The following MLYCD variants were observed in gnomAD, a reference collection of about 807,000 sequenced individuals.
The protein encoded by MLYCD is malonyl-CoA decarboxylase, mitochondrial.
MLYCD carries 27 observed loss-of-function variants against 35.8 expected under a neutral mutation model. That is an observed-to-expected ratio of 0.75 (90% CI 0.56 to 1.04). The LOEUF (loss-of-function observed/expected upper bound fraction) is 1.04. Ranked by LOEUF, MLYCD falls within the 50% of genes least tolerant of loss-of-function variation. The pLI is 0.00. For synonymous variants in MLYCD, 403 were observed against 302.4 expected (o/e 1.33, Z -3.45); for missense variants, 917 against 665.1 (o/e 1.38, Z -4.17).
At chr16:83,913,966 G>A (rs1220988744) in intron 4 of MLYCD, 1 of 152,106 alleles carries the variant, frequency 6.6e-6, no homozygotes, top group Non-Finnish European at 1.5e-5. Flanking sequence ...AAATGATAAT[G>A]AGAAAATGCT....
Position 83,915,647 on chromosome 16 carries a change from T to G in MLYCD, c.*158T>G. The G allele has an allele frequency of 6.6e-7, 1 of 1,511,244 alleles. No individual in the cohort carries two copies. Among genetic ancestry groups the G allele is most frequent in the South Asian group, 1.2e-5 (1 of 80,568 alleles). The allele number at this position is 1,511,244 out of a possible 1,614,324, so 93.6% of individuals were successfully genotyped here. ...CCACACTGTGAGGCCAGGCCTCAAC[T>G]TCCCTCACCCTGGGCGTGACATGCA... On this transcript the variant is annotated 3_prime_UTR_variant, in exon 5 of 5. Transcript: ENST00000262430.
chr16:83,904,169 C>A (rs1294674009), intron 1 of MLYCD, among the ~76,000 whole-genome samples: 1 of 151,874 alleles, frequency 6.6e-6, no homozygotes, highest in Non-Finnish European at 1.5e-5. Flanking sequence ...GATAGTAAAA[C>A]TAGGTATTTC....
chr16:83,915,980 C>G lies in MLYCD; in HGVS notation c.*491C>G, dbSNP rs957093811. On this transcript the variant is annotated 3_prime_UTR_variant, in exon 5 of 5. Transcript: ENST00000262430. ...TGCAGAGGGACAAAGGGCTGTGCTA[C>G]ACTTCCCAGTTACATTCTGAAGCTC... The G allele has an allele frequency of 4.5e-5, 46 of 1,022,974 alleles. No homozygotes were observed. The South Asian group carries it at 1.7e-3, about 38-fold the overall frequency. 63.4% of individuals were successfully genotyped at this position (1,022,974 alleles called of 1,614,324 possible).
In MLYCD at chr16:83,918,262, A is replaced by C. The variant is rs1390132467; in HGVS notation, c.*2773A>C. ...GCCAGGTAGGCCTCGCCGCAGGAGA[A>C]CACATACATGGTGCACAGAACACAC... On this transcript the variant is annotated 3_prime_UTR_variant, in exon 5 of 5. Transcript: ENST00000262430. 1 of 152,286 alleles carries C rather than the reference A, an allele frequency of 6.6e-6. No homozygotes were observed. The highest frequency in any genetic ancestry group is 1.5e-5 in the Non-Finnish European group (1 of 68,060). 9.4% of individuals were successfully genotyped at this position (152,286 alleles called of 1,614,324 possible).
Position 83,916,250 on chromosome 16 carries a change from G to A in MLYCD, c.*761G>A. 18 of 975,590 alleles carry A rather than the reference G, an allele frequency of 1.8e-5. No homozygotes were observed. The highest frequency in any genetic ancestry group is 2.2e-5 in the Non-Finnish European group (18 of 819,174). 60.4% of individuals were successfully genotyped at this position (975,590 alleles called of 1,614,324 possible). On this transcript the variant is annotated 3_prime_UTR_variant, in exon 5 of 5. Coordinates refer to ENST00000262430, the MANE Select transcript of MLYCD (RefSeq NM_012213.3). Reference sequence around the variant, plus strand: ...TGGGAAGGCTGGAATCAGCCAGCCAGCCTACGGGGAGTTTGGGATGAAGGA... The same window carrying A: ...TGGGAAGGCTGGAATCAGCCAGCCAACCTACGGGGAGTTTGGGATGAAGGA...
At chr16:83,910,344 G>T (rs1255762540) in intron 3 of MLYCD, among the ~76,000 whole-genome samples, 1 of 151,762 alleles carries the variant, frequency 6.6e-6, no homozygotes, top group Non-Finnish European at 1.5e-5. Flanking sequence ...AAAAAAGATT[G>T]CTGGGATTTT....
chr16:83,902,591 C>T (rs1370129070), intron 1 of MLYCD, among the ~76,000 whole-genome samples: 1 of 146,184 alleles, frequency 6.8e-6, no homozygotes, highest in Admixed American at 7.2e-5. Flanking sequence ...TTGCAACCTT[C>T]GCCTCCCAGG....
intron 1 of MLYCD, among the ~76,000 whole-genome samples, chr16:83,905,957 AGTCAATT>A (rs1906959326): frequency 6.6e-6 from 1 of 152,240 alleles, no homozygotes; most frequent in Non-Finnish European, 1.5e-5. Context: ...TGGGTGGTCA[AGTCAATT>A]CACATCATTT....
intron 3 of MLYCD, 199 bp from the exon 4 acceptor site, chr16:83,912,019 C>T (rs770246271): frequency 1.3e-5 from 9 of 685,870 alleles, no homozygotes; most frequent in Admixed American, 7.3e-5. Context: ...CCCAGGCACG[C>T]GGTGGAGTCG....
rs370884655 is a variant in MLYCD, at chr16:83,925,959, C to T, written c.*10470C>T. Reference sequence around the variant, plus strand: ...GTGTATCTCCACTAGACTAGACGCTCTCTGAGGGCAGGGACCCTGCTTCGC... The same window carrying T: ...GTGTATCTCCACTAGACTAGACGCTTTCTGAGGGCAGGGACCCTGCTTCGC... On this transcript the variant is annotated 3_prime_UTR_variant, in exon 5 of 5. Transcript: ENST00000262430. 1 of 152,306 alleles carries T rather than the reference C, an allele frequency of 6.6e-6. No homozygotes were observed. The highest frequency in any genetic ancestry group is 1.9e-4 in the East Asian group (1 of 5,200). 9.4% of individuals were successfully genotyped at this position (152,306 alleles called of 1,614,324 possible).
rs1311154959 is a variant in MLYCD at position 83,918,538 on chromosome 16, TG to T, written c.*3051del. 1 of 108,994 alleles carries T rather than the reference TG, an allele frequency of 9.2e-6. No homozygotes were observed. The highest frequency in any genetic ancestry group is 3.7e-5 in the African/African-American group (1 of 26,914). The allele number at this position is 108,994 out of a possible 1,614,324, so 6.8% of individuals were successfully genotyped here. ...AACACAGAGTGCACAGGAGAACACA[TG>T]GTGCACAGGAGAACACGCACACACG... On this transcript the variant is annotated 3_prime_UTR_variant, in exon 5 of 5. Coordinates refer to ENST00000262430, the MANE Select transcript of MLYCD (RefSeq NM_012213.3).
intron 3 of MLYCD, 50 bp downstream of exon 3, chr16:83,908,332 T>C: frequency 1.9e-6 from 3 of 1,586,554 alleles, no homozygotes; most frequent in Non-Finnish European, 2.6e-6. Context: ...ATAGAGCCCC[T>C]TGTGTTTTTT....
rs766512025 is a variant in MLYCD at position 83,908,188 on chromosome 16, G to A, written c.704G>A (p.Arg235Lys). Reference protein sequence around the residue: ...MDMKRRVGPYRRCYFFSHCST... With the variant: ...MDMKRRVGPYKRCYFFSHCST... Reference sequence around the variant, plus strand: ...ATGAAGCGCCGCGTTGGGCCCTACAGAAGGTGTTACTTCTTTTCTCACTGT... The same window carrying A: ...ATGAAGCGCCGCGTTGGGCCCTACAAAAGGTGTTACTTCTTTTCTCACTGT... The change falls in exon 3 of 5, where the codon AGA becomes AAA. Residue 235 changes from arginine (R) to lysine (K), a missense_variant. Transcript: ENST00000262430. 8 of 1,614,250 alleles carry A rather than the reference G, an allele frequency of 5.0e-6. No individual in the cohort carries two copies. Among genetic ancestry groups the A allele is most frequent in the Non-Finnish European group, 8.5e-7 (1 of 1,180,054 alleles).
At position 83,917,417 on chromosome 16, in the gene MLYCD, G is replaced by C. The variant is rs1218834077; in HGVS notation, c.*1928G>C. 3 of 154,678 alleles carry C rather than the reference G, an allele frequency of 1.9e-5. No homozygotes were observed. The highest frequency in any genetic ancestry group is 4.4e-5 in the Non-Finnish European group (3 of 68,314). 9.6% of individuals were successfully genotyped at this position (154,678 alleles called of 1,614,324 possible). A position where few individuals can be genotyped will look rare whatever the true frequency, so the allele number is the denominator to read the frequency against. On this transcript the variant is annotated 3_prime_UTR_variant, in exon 5 of 5. Coordinates refer to ENST00000262430, the MANE Select transcript of MLYCD (RefSeq NM_012213.3). Reference sequence around the variant, plus strand: ...TGTGCTTACACGTCTTTGTGTGTCTGTGTGCGTGTGTCCGCAGTTGCCCTG... The same window carrying C: ...TGTGCTTACACGTCTTTGTGTGTCTCTGTGCGTGTGTCCGCAGTTGCCCTG...
intron 4 of MLYCD, 72 bp from the exon 5 acceptor site, chr16:83,914,884 C>A (rs945205675): frequency 6.2e-7 from 1 of 1,602,522 alleles, no homozygotes; most frequent in Non-Finnish European, 8.5e-7. Context: ...AAGAGGTGCT[C>A]CTCTGTTGGT....
rs113503697 is a variant in MLYCD, at chr16:83,909,679, T to A, written c.798+1397T>A. Among the ~76,000 whole-genome samples the A allele has an allele frequency of 3.0e-3, 446 of 149,814 alleles. 1 individual carries two copies. Among genetic ancestry groups the A allele is most frequent in the African/African-American group, 0.01 (423 of 40,738 alleles). On this transcript the variant is annotated intron_variant, in intron 3 of 4. Coordinates refer to ENST00000262430, the MANE Select transcript of MLYCD (RefSeq NM_012213.3). ...TCTTCTTGCGCAGGCTAGAGTGCAA[T>A]GGTGCTGTCTCGGCTCACTGCAACC...
intron 4 of MLYCD, chr16:83,912,582 C>T: frequency 1.6e-6 from 1 of 616,086 alleles, no homozygotes; most frequent in Non-Finnish European, 2.9e-6. Context: ...GGCCTCCAAC[C>T]CAGCTGCCCA....
rs1174242492 is a variant in MLYCD at position 83,919,997 on chromosome 16, CAACAG to C, written c.*4513_*4517del. On this transcript the variant is annotated 3_prime_UTR_variant, in exon 5 of 5. Transcript: ENST00000262430. ...CAGAACACACGCAGTGCACAGGACA[CAACAG>C]AACACACGTGCACAGGAGAACACAG... The C allele has an allele frequency of 1.4e-5, 2 of 139,530 alleles. No individual in the cohort carries two copies. Among genetic ancestry groups the C allele is most frequent in the African/African-American group, 3.2e-5 (1 of 31,400 alleles). The allele number at this position is 139,530 out of a possible 1,614,324, so 8.6% of individuals were successfully genotyped here.
chr16:83,904,360 C>T (rs1906904201), intron 1 of MLYCD, among the ~76,000 whole-genome samples: 1 of 152,022 alleles, frequency 6.6e-6, no homozygotes. Flanking sequence ...AATGTATTTG[C>T]AGTGTTTTGG....
Sources: gnomAD v4.1 joint callset for allele counts (sites outside exome capture counted in the v4.1 genomes callset) on GRCh38, gnomAD v4.1.1 for gene constraint, MANE v1.5 for transcripts, NCBI Gene and HGNC (gene_info 2026-07-23, HGNC 2026-07-21) for gene names.